The following TNRC6B variants were observed in gnomAD, a reference collection of about 807,000 sequenced individuals.
TNRC6B encodes trinucleotide repeat-containing gene 6B protein.
In TNRC6B, 52 loss-of-function variants were observed where a neutral mutation model predicts 203.6. The ratio of observed to expected loss-of-function variants is 0.26; its 90% CI spans 0.20 to 0.32. The LOEUF is 0.32. TNRC6B is among the 10% of genes least tolerant of loss of function. The pLI, the probability that TNRC6B is intolerant of heterozygous loss-of-function variation, is 1.00. For missense variants in TNRC6B, 1,923 were observed against 2,286.2 expected (o/e 0.84, Z 3.24); for synonymous variants, 838 against 845.7 (o/e 0.99, Z 0.16).
At position 40,217,972 on chromosome 22, in the gene TNRC6B, CA is replaced by C. The variant is rs138025; in HGVS notation, c.6-28025del. On this transcript the variant is annotated intron_variant, in intron 1 of 22. Coordinates refer to ENST00000454349, the MANE Select transcript of TNRC6B (RefSeq NM_001162501.2). ...TGGGCGACAGAGTAAGACTCCATCT[CA>C]AAAAAAAAAAAAAAAAATTACTGAA... Among the ~76,000 whole-genome samples, 554 of 112,702 alleles carry C rather than the reference CA, an allele frequency of 4.9e-3. 4 individuals are homozygous for C. Among genetic ancestry groups the C allele is most frequent in the African/African-American group, 0.017 (445 of 26,810 alleles). 73.9% of individuals were successfully genotyped at this position (112,702 alleles called of 152,430 possible).
At chr22:40,242,491 C>T (rs1237211949) in intron 1 of TNRC6B, among the ~76,000 whole-genome samples, 3 of 151,050 alleles carry the variant, frequency 2.0e-5, no homozygotes, top group Non-Finnish European at 4.4e-5. Flanking sequence ...AGTGCAGTGG[C>T]ACGATTTCGG....
At chr22:40,224,150 A>G (rs1188216592) in intron 1 of TNRC6B, among the ~76,000 whole-genome samples, 1 of 152,084 alleles carries the variant, frequency 6.6e-6, no homozygotes, top group Non-Finnish European at 1.5e-5. Context: ...GACTACAGGC[A>G]TGAGCCACCA....
chr22:40,156,934 C>T (rs2068823508), intron 4 of TNRC6B, among the ~76,000 whole-genome samples: 1 of 151,462 alleles, frequency 6.6e-6, no homozygotes, highest in African/African-American at 2.4e-5. Context: ...GCCACCACAC[C>T]TAGCTAATTT....
At chr22:40,118,496 C>T (rs935491262) in intron 2 of TNRC6B, among the ~76,000 whole-genome samples, 11 of 152,144 alleles carry the variant, frequency 7.2e-5, no homozygotes, top group African/African-American at 1.9e-4. Flanking sequence ...CAGCTCATTC[C>T]AGCATAACAC....
intron 1 of TNRC6B, among the ~76,000 whole-genome samples, chr22:40,238,883 C>T (rs2069986429): frequency 6.6e-6 from 1 of 152,222 alleles, no homozygotes; most frequent in Non-Finnish European, 1.5e-5. Flanking sequence ...GGTTTTGTTT[C>T]TGCCAGATCT....
rs869114055 is a variant in TNRC6B, at chr22:40,258,101, T to TTTTTTTTTTTTTA, written c.116-3731_116-3730insTTTTTTTTTTTTA. On this transcript the variant is annotated intron_variant, in intron 3 of 22. Coordinates refer to ENST00000454349, the MANE Select transcript of TNRC6B (RefSeq NM_001162501.2). Reference sequence around the variant, plus strand: ...TTTTTTTTTTTTTTTTTTTTTTTTTTACCCCACAATGTTTTTATTTCCCTA... The same window carrying TTTTTTTTTTTTTA: ...TTTTTTTTTTTTTTTTTTTTTTTTTTTTTTTTTTTTTTAACCCCACAATGTTTTTATTTCCCTA... 6.5e-5 allele frequency among the ~76,000 whole-genome samples: 7 copies of TTTTTTTTTTTTTA among 108,426 alleles called. No homozygotes were observed. The South Asian group carries it at 1.4e-3, about 22-fold the overall frequency. 71.1% of individuals were successfully genotyped at this position (108,426 alleles called of 152,430 possible). A position where few individuals can be genotyped will look rare whatever the true frequency, so the allele number is the denominator to read the frequency against.
At chr22:40,154,245 C>T (rs926227228) in intron 3 of TNRC6B, among the ~76,000 whole-genome samples, 4 of 151,936 alleles carry the variant, frequency 2.6e-5, no homozygotes, top group African/African-American at 9.7e-5. Context: ...GGGTGGATCA[C>T]GAGGTCAGGA....
intron 1 of TNRC6B, among the ~76,000 whole-genome samples, chr22:40,109,392 T>G (rs995676422): frequency 6.6e-6 from 1 of 152,196 alleles, no homozygotes; most frequent in East Asian, 1.9e-4. Context: ...TCATTTACAT[T>G]CCCACCAACA....
intron 3 of TNRC6B, among the ~76,000 whole-genome samples, chr22:40,255,866 G>T (rs570787345): frequency 4.2e-5 from 6 of 141,192 alleles, no homozygotes; most frequent in African/African-American, 1.3e-4. Context: ...TTGTTTGTTT[G>T]TTTTGAGACA....
intron 1 of TNRC6B, among the ~76,000 whole-genome samples, chr22:40,234,279 C>T (rs1825130061): frequency 6.6e-6 from 1 of 152,168 alleles, no homozygotes; most frequent in African/African-American, 2.4e-5. Flanking sequence ...AAGACCCTGT[C>T]TCAAAACAAA....
chr22:40,205,806 G>A (rs916397206), intron 1 of TNRC6B, among the ~76,000 whole-genome samples: 3 of 152,162 alleles, frequency 2.0e-5, no homozygotes, highest in Non-Finnish European at 4.4e-5. Context: ...AAGTTTCAAT[G>A]CTACTTTGAT....
Position 40,266,588 on chromosome 22 carries a change from T to G in TNRC6B, c.2358T>G (p.Gly786=), listed in dbSNP as rs1382055010. 1.9e-6 allele frequency: 3 copies of G among 1,612,636 alleles called. No homozygotes were observed. Among genetic ancestry groups the G allele is most frequent in the Non-Finnish European group, 2.5e-6 (3 of 1,179,210 alleles). The change falls in exon 5 of 23, where the codon GGT becomes GGG. Residue 786 remains glycine (G), a synonymous_variant. Coordinates refer to ENST00000454349, the MANE Select transcript of TNRC6B (RefSeq NM_001162501.2). ...ATGAAATCGGGACTTGGGGTAATGG[T>G]GGCAATGCAAGCCTAGCTTCAAAAG... is the stretch of plus-strand genomic sequence containing the variant. ...GQNEIGTWGN[G]GNASLASKGG... is the part of the protein sequence containing the mutation.
At chr22:40,118,189 G>C (rs2068408960) in intron 2 of TNRC6B, among the ~76,000 whole-genome samples, 1 of 152,122 alleles carries the variant, frequency 6.6e-6, no homozygotes, top group African/African-American at 2.4e-5. Flanking sequence ...TCTCTATAGA[G>C]ACAGCCACTT....
intron 1 of TNRC6B, among the ~76,000 whole-genome samples, chr22:40,219,642 C>G (rs2069681317): frequency 6.6e-6 from 1 of 152,160 alleles, no homozygotes; most frequent in Admixed American, 6.5e-5. Context: ...GCTTCACACT[C>G]AAACAAGGCT....
chr22:40,234,210 C>T (rs977748746), intron 1 of TNRC6B, among the ~76,000 whole-genome samples: 7 of 152,142 alleles, frequency 4.6e-5, no homozygotes, highest in Non-Finnish European at 1.0e-4. Flanking sequence ...CACTCAAGCC[C>T]AGGAGTTTGA....
In TNRC6B at chr22:40,225,742, C is replaced by CAAAAAAAAAA. The variant is rs34769532; in HGVS notation, c.6-20257_6-20248dup. Among the ~76,000 whole-genome samples the CAAAAAAAAAA allele has an allele frequency of 1.1e-4, 7 of 64,368 alleles. 1 individual carries two copies. The East Asian group carries it at 1.4e-3, about 13-fold the overall frequency. The allele number at this position is 64,368 out of a possible 152,430, so 42.2% of individuals were successfully genotyped here. ...TGAGCGACAGAGTGAGACTCCGTCTCAAAAAAAAAAAAAAAAAAAAAAAAA... is the reference window on the plus strand; with the variant it reads ...TGAGCGACAGAGTGAGACTCCGTCTCAAAAAAAAAAAAAAAAAAAAAAAAAAAAAAAAAAA... On this transcript the variant is annotated intron_variant, in intron 1 of 22. Coordinates refer to ENST00000454349, the MANE Select transcript of TNRC6B (RefSeq NM_001162501.2).
chr22:40,275,675 C>A (rs1164742959), intron 7 of TNRC6B, among the ~76,000 whole-genome samples: 3 of 152,084 alleles, frequency 2.0e-5, no homozygotes, highest in Non-Finnish European at 4.4e-5. Context: ...AAAACCTGTA[C>A]TAGCTGGCTG....
chr22:40,290,287 C>T (rs2070852347), intron 12 of TNRC6B, among the ~76,000 whole-genome samples: 1 of 152,312 alleles, frequency 6.6e-6, no homozygotes, highest in South Asian at 2.1e-4. Flanking sequence ...GCAGACAGCA[C>T]AGACGTAGAA....
rs1363715789 is a variant in TNRC6B, at chr22:40,136,334, T to C, written c.45+10472T>C. Among the ~76,000 whole-genome samples the C allele has an allele frequency of 2.6e-5, 4 of 151,848 alleles. No homozygotes were observed. The East Asian group carries it at 7.7e-4, about 29-fold the overall frequency. ...TTATAGAGCTGAGCCGTTGGGTGTC[T>C]GTGATCATATTCTCTGTACCTTTGT... On this transcript the variant is annotated intron_variant, in intron 3 of 23. Coordinates refer to the TNRC6B transcript ENST00000301923.
Sources: allele counts gnomAD v4.1 joint callset (sites outside exome capture counted in the v4.1 genomes callset), GRCh38; gene constraint gnomAD v4.1.1; transcripts MANE v1.5; gene names NCBI Gene and HGNC (gene_info 2026-07-23, HGNC 2026-07-21).